Variants in RSU1 observed in about 807,000 individuals in gnomAD.
RSU1 encodes the protein rsu-1.
Under a neutral mutation model 31.1 loss-of-function variants are expected in RSU1, and 26 were observed. That is an observed-to-expected ratio of 0.84 (90% CI 0.61 to 1.16). RSU1 has a LOEUF of 1.16. RSU1 is among the 50% of genes most tolerant of loss of function. The pLI, the probability that RSU1 is intolerant of heterozygous loss-of-function variation, is 0.00. For synonymous variants in RSU1, 164 were observed against 136.3 expected (o/e 1.20, Z -1.41); for missense variants, 320 against 339.1 (o/e 0.94, Z 0.44).
At chr10:16,595,082 C>T (rs1266847867) in intron 8 of RSU1, among the ~76,000 whole-genome samples, 3 of 151,678 alleles carry the variant, frequency 2.0e-5, no homozygotes, top group African/African-American at 4.8e-5. Flanking sequence ...CATGCCCCAA[C>T]AAAAAAATTA....
rs758918488 is a variant in RSU1, at chr10:16,764,503, T to C, written c.168A>G (p.Pro56=). 2.5e-6 allele frequency: 4 copies of C among 1,613,146 alleles called. No homozygotes were observed. In the Admixed American group the frequency reaches 5.0e-5, roughly 20 times the overall value. The part of the protein sequence containing the change: ...VLSHNKLTMV[P]PNIAELKNLE... ...AATTCTTCAGTTCTGCGATGTTCGG[T>C]GGCACCACTATGGAAACAAAAATGC... is the stretch of plus-strand genomic sequence containing the variant. The change falls in exon 4 of 9, where the codon CCA becomes CCG. Residue 56 remains proline, a synonymous_variant. Transcript: ENST00000345264.
chr10:16,778,489 A>G lies in RSU1; in HGVS notation c.160+3545T>C, dbSNP rs187346771. On this transcript the variant is annotated intron_variant, in intron 3 of 8. Coordinates refer to ENST00000345264, the MANE Select transcript of RSU1 (RefSeq NM_012425.4). ...AAGGGCCCAGTCACAGGCATTCAGG[A>G]AGAATATGAAATGATCCATGCTTCC... Among the ~76,000 whole-genome samples, 9 of 152,292 alleles carry G rather than the reference A, an allele frequency of 5.9e-5. No homozygotes were observed. In the East Asian group the frequency reaches 1.7e-3, roughly 29 times the overall value.
intron 7 of RSU1, among the ~76,000 whole-genome samples, chr10:16,696,679 T>C (rs960051047): frequency 3.9e-5 from 6 of 152,210 alleles, no homozygotes; most frequent in African/African-American, 1.4e-4. Flanking sequence ...TAAACATCGT[T>C]AGTCAGATAT....
Position 16,695,201 on chromosome 10 carries a change from G to C in RSU1, c.599-46C>G, listed in dbSNP as rs775699949. On this transcript the variant is annotated intron_variant, in intron 7 of 8. Coordinates refer to ENST00000345264, the MANE Select transcript of RSU1 (RefSeq NM_012425.4). ...AGTGAAGGTCACTTCATCCAATACA[G>C]ATCAGGTCTAAGAAGTCCTTCTCAG... 7 of 1,568,084 alleles carry C rather than the reference G, an allele frequency of 4.5e-6. No homozygotes were observed. The Admixed American group carries it at 8.9e-5, about 20-fold the overall frequency.
chr10:16,637,037 C>T (rs1437595694), intron 8 of RSU1, among the ~76,000 whole-genome samples: 1 of 152,194 alleles, frequency 6.6e-6, no homozygotes, highest in African/African-American at 2.4e-5. Context: ...AAAAAAACGG[C>T]TATGCTTGTA....
intron 8 of RSU1, among the ~76,000 whole-genome samples, chr10:16,644,113 G>C (rs1161265696): frequency 6.6e-6 from 1 of 151,466 alleles, no homozygotes. Flanking sequence ...GGTGGGGGGG[G>C]GTCCTAGAAC....
At chr10:16,689,080 T>C (rs1835494708) in intron 8 of RSU1, among the ~76,000 whole-genome samples, 1 of 152,106 alleles carries the variant, frequency 6.6e-6, no homozygotes, top group Admixed American at 6.5e-5. Context: ...AAATTGTTTT[T>C]CTGTGGCTTA....
chr10:16,728,772 C>A (rs1297043653), intron 7 of RSU1, among the ~76,000 whole-genome samples: 1 of 152,088 alleles, frequency 6.6e-6, no homozygotes, highest in East Asian at 1.9e-4. Flanking sequence ...GAGGAGAATG[C>A]AATGTGATGA....
chr10:16,745,157 T>A (rs986101926), intron 7 of RSU1, among the ~76,000 whole-genome samples: 1 of 152,280 alleles, frequency 6.6e-6, no homozygotes, highest in South Asian at 2.1e-4. Context: ...CTCTAAACAG[T>A]CAAAGTTTAA....
chr10:16,748,756 G>T (rs1836911829), intron 7 of RSU1, among the ~76,000 whole-genome samples: 1 of 151,964 alleles, frequency 6.6e-6, no homozygotes, highest in African/African-American at 2.4e-5. Flanking sequence ...CATTCTCTCT[G>T]TCAGGGGACC....
intron 8 of RSU1, among the ~76,000 whole-genome samples, chr10:16,631,628 A>G (rs1226049189): frequency 6.6e-6 from 1 of 152,226 alleles, no homozygotes. Context: ...TCACTCAATC[A>G]TTATGCTTAC....
intron 7 of RSU1, chr10:16,721,306 C>T (rs1836256874): frequency 6.6e-6 from 1 of 152,290 alleles, no homozygotes; most frequent in African/African-American, 2.4e-5. Context: ...AAGCAAAAAC[C>T]ACAATGCAAA....
chr10:16,814,440 C>A (rs1481605975), intron 2 of RSU1, among the ~76,000 whole-genome samples: 1 of 124,348 alleles, frequency 8.0e-6, no homozygotes, highest in Non-Finnish European at 1.6e-5. Context: ...AGAGCGAGAC[C>A]CTGTTTTCAG....
At chr10:16,814,439 C>T (rs919328406) in intron 2 of RSU1, among the ~76,000 whole-genome samples, 8 of 133,406 alleles carry the variant, frequency 6.0e-5, no homozygotes, top group Non-Finnish European at 9.4e-5. Context: ...CAGAGCGAGA[C>T]CCTGTTTTCA....
chr10:16,594,657 C>T (rs950078556), intron 8 of RSU1, among the ~76,000 whole-genome samples: 12 of 141,482 alleles, frequency 8.5e-5, no homozygotes, highest in Non-Finnish European at 1.4e-4. Flanking sequence ...TGATATATAT[C>T]ATATATTATC....
chr10:16,636,066 G>T (rs1157841962), intron 8 of RSU1, among the ~76,000 whole-genome samples: 2 of 152,162 alleles, frequency 1.3e-5, no homozygotes, highest in African/African-American at 2.4e-5. Flanking sequence ...TCCAGGCTTG[G>T]TGTATGAAGT....
At chr10:16,787,035 G>T (rs1458811801) in intron 2 of RSU1, among the ~76,000 whole-genome samples, 1 of 152,144 alleles carries the variant, frequency 6.6e-6, no homozygotes, top group Non-Finnish European at 1.5e-5. Context: ...GGTTGGCTTG[G>T]TGACTGGCCA....
At chr10:16,745,443 G>T (rs1400055512) in intron 7 of RSU1, among the ~76,000 whole-genome samples, 2 of 152,122 alleles carry the variant, frequency 1.3e-5, no homozygotes, top group South Asian at 2.1e-4. Context: ...CAAAAGAAAG[G>T]TTTAACTGGA....
At chr10:16,816,777 T>G (rs893886521) in intron 2 of RSU1, among the ~76,000 whole-genome samples, 196 bp downstream of exon 2, 1 of 152,214 alleles carries the variant, frequency 6.6e-6, no homozygotes, top group East Asian at 1.9e-4. Context: ...CATCGTGGAC[T>G]CTCAGGATCG....
Sources: gnomAD v4.1 joint callset for allele counts (sites outside exome capture counted in the v4.1 genomes callset) on GRCh38, gnomAD v4.1.1 for gene constraint, MANE v1.5 for transcripts, NCBI Gene and HGNC (gene_info 2026-07-23, HGNC 2026-07-21) for gene names.